The following PCDHGA4 variants were observed in gnomAD, a reference collection of about 807,000 sequenced individuals.
PCDHGA4 encodes protocadherin gamma subfamily A, 4.
Under a neutral mutation model 54.6 loss-of-function variants are expected in PCDHGA4, and 38 were observed. The ratio of observed to expected loss-of-function variants is 0.70; its 90% CI spans 0.54 to 0.91. PCDHGA4 has a LOEUF of 0.91. PCDHGA4 is among the 40% of genes least tolerant of loss of function. PCDHGA4 has a pLI of 0.00. For missense variants in PCDHGA4, 1,298 were observed against 1,220.9 expected (o/e 1.06, Z -0.94); for synonymous variants, 511 against 512.9 (o/e 1.00, Z 0.05).
chr5:141,370,266 G>A, intron 1 of PCDHGA4: 2 of 765,958 alleles, frequency 2.6e-6, no homozygotes, highest in Non-Finnish European at 4.1e-6. Flanking sequence ...GCTTCCTGCA[G>A]CGGAGACACC....
intron 1 of PCDHGA4, among the ~76,000 whole-genome samples, chr5:141,380,845 A>G (rs1215311097): frequency 6.6e-6 from 1 of 152,272 alleles, no homozygotes; most frequent in Admixed American, 6.5e-5. Context: ...GTAAAAATGG[A>G]TCAAGACATT....
rs760617436 is a variant in PCDHGA4 at position 141,410,113 on chromosome 5, A to T, written c.2514+52492A>T. On this transcript the variant is annotated intron_variant, in intron 1 of 3. Transcript: ENST00000571252. The stretch of plus-strand genomic sequence containing the variant: ...CTCGAGCCTTAGGCGACAGGGACGC[A>T]GCCCGCCAGCGCCTGCTGGTCGCTG... 5 of 1,612,436 alleles carry T rather than the reference A, an allele frequency of 3.1e-6. No individual in the cohort carries two copies. The African/African-American group carries it at 6.7e-5, about 22-fold the overall frequency.
chr5:141,384,102 T>C, intron 1 of PCDHGA4: 1 of 1,599,484 alleles, frequency 6.3e-7, no homozygotes, highest in Non-Finnish European at 8.5e-7. Context: ...TAGATAATTA[T>C]TATAGATTGG....
chr5:141,397,949 A>AGCCCCAGCTCAGAC (rs1391996511), intron 1 of PCDHGA4: 1 of 916,660 alleles, frequency 1.1e-6, no homozygotes, highest in Non-Finnish European at 1.6e-6. Context: ...TTTCCAGGGC[A>AGCCCCAGCTCAGAC]GCCCCAGCTC....
At chr5:141,484,790 A>T (rs1562101198) in intron 1 of PCDHGA4, among the ~76,000 whole-genome samples, 1 of 152,076 alleles carries the variant, frequency 6.6e-6, no homozygotes, top group Admixed American at 6.6e-5. Flanking sequence ...CACAGAGATA[A>T]CAACCCGTGG....
intron 1 of PCDHGA4, chr5:141,441,995 G>T: frequency 8.1e-6 from 2 of 246,740 alleles, no homozygotes; most frequent in Non-Finnish European, 8.0e-6. Flanking sequence ...CCGACGAGGT[G>T]CTGACAGCTC....
chr5:141,489,597 A>T lies in PCDHGA4; in HGVS notation c.2515-5210A>T. The T allele has an allele frequency of 6.2e-7, 1 of 1,614,100 alleles. No individual in the cohort carries two copies. Among genetic ancestry groups the T allele is most frequent in the African/African-American group, 1.3e-5 (1 of 75,040 alleles). ...AACACCCCCTGGAGCTAATCCGTGT[A>T]GAGGTAGAGATCCTGGATCTCAATG... On this transcript the variant is annotated intron_variant, in intron 1 of 3. Transcript: ENST00000571252. The surrounding 1 kb of genome is among the most constrained non-coding windows in gnomAD (Gnocchi z 4.5).
chr5:141,475,384 A>T (rs2099362853), intron 1 of PCDHGA4, among the ~76,000 whole-genome samples: 1 of 152,370 alleles, frequency 6.6e-6, no homozygotes, highest in East Asian at 1.9e-4. Flanking sequence ...TTTAAATTTT[A>T]TAAGCCAGAG....
chr5:141,396,893 A>G (rs1441946913), intron 1 of PCDHGA4, among the ~76,000 whole-genome samples: 2 of 152,226 alleles, frequency 1.3e-5, no homozygotes, highest in Non-Finnish European at 1.5e-5. Flanking sequence ...AGGACAACAT[A>G]TTATTGGCAC....
chr5:141,419,618 C>T (rs746617593), intron 1 of PCDHGA4: 3 of 1,612,326 alleles, frequency 1.9e-6, no homozygotes, highest in South Asian at 1.1e-5. Flanking sequence ...GCCAGGCTAC[C>T]TGGTGACCAA....
At chr5:141,374,071 T>C (rs1443520558) in intron 1 of PCDHGA4, 3 of 1,507,898 alleles carry the variant, frequency 2.0e-6, no homozygotes, top group Non-Finnish European at 2.7e-6. Flanking sequence ...GAGAAGTTCC[T>C]AATAAGCCAG....
chr5:141,374,573 A>T (rs1319007072), intron 1 of PCDHGA4: 15 of 1,613,740 alleles, frequency 9.3e-6, no homozygotes, highest in Non-Finnish European at 1.3e-5. Context: ...TGATGTGGGA[A>T]TGAACTCCCT....
In PCDHGA4 at chr5:141,372,730, ATCT is replaced by A. The variant is rs751345248; in HGVS notation, c.2514+15113_2514+15115del. On this transcript the variant is annotated intron_variant, in intron 1 of 3. Transcript: ENST00000571252. ...AAGGCTGAAAATGCTGCACCACAAG[ATCT>A]TCTATGTGATGAAGCCTCTTGGTTT... 33 of 1,613,530 alleles carry A rather than the reference ATCT, an allele frequency of 2.0e-5. No homozygotes were observed. In the East Asian group the frequency reaches 7.1e-4, roughly 35 times the overall value.
intron 1 of PCDHGA4, among the ~76,000 whole-genome samples, chr5:141,381,826 CTTTTTTTTT>C (rs770630741): frequency 5.4e-5 from 4 of 74,286 alleles, no homozygotes; most frequent in African/African-American, 2.5e-4. Flanking sequence ...CTTTCTTCTT[CTTTTTTTTT>C]TTTTTTTTTT....
intron 1 of PCDHGA4, among the ~76,000 whole-genome samples, chr5:141,450,088 C>T (rs1358812478): frequency 1.3e-5 from 2 of 148,484 alleles, no homozygotes; most frequent in East Asian, 2.0e-4. Context: ...CTCACTGCAA[C>T]CTCCGCCTCC....
In PCDHGA4 at chr5:141,475,486, T is replaced by C. The variant is rs576743657; in HGVS notation, c.2515-19321T>C. Among the ~76,000 whole-genome samples, 14 of 152,370 alleles carry C rather than the reference T, an allele frequency of 9.2e-5. No homozygotes were observed. In the East Asian group the frequency reaches 2.7e-3, roughly 29 times the overall value. On this transcript the variant is annotated intron_variant, in intron 1 of 3. Transcript: ENST00000571252. ...AATGCTAATTTCATTTGGTAAGAGA[T>C]AAAACTGAAATTATTAATGTCTCCA...
chr5:141,486,760 G>C lies in PCDHGA4; in HGVS notation c.2515-8047G>C. ...GATCCTTTGACTATGAGCAAACCCAGACACTGCAGTTTGAGGTGCAGGCCC... is the reference window on the plus strand; with the variant it reads ...GATCCTTTGACTATGAGCAAACCCACACACTGCAGTTTGAGGTGCAGGCCC... On this transcript the variant is annotated intron_variant, in intron 1 of 3. Transcript: ENST00000571252. This position sits in a 1 kb window ranked among gnomAD's most constrained non-coding sequence, Gnocchi z 5.0. 1.2e-6 allele frequency: 2 copies of C among 1,614,240 alleles called. No homozygotes were observed. The highest frequency in any genetic ancestry group is 2.2e-5 in the South Asian group (2 of 91,086).
rs1554116817 is a variant in PCDHGA4 at position 141,423,755 on chromosome 5, G to GGC, written c.2514+66135_2514+66136insCG. 3 of 512,420 alleles carry GGC rather than the reference G, an allele frequency of 5.9e-6. No individual in the cohort carries two copies. The African/African-American group carries it at 8.1e-5, about 14-fold the overall frequency. 31.7% of individuals were successfully genotyped at this position (512,420 alleles called of 1,614,324 possible). A position where few individuals can be genotyped will look rare whatever the true frequency, so the allele number is the denominator to read the frequency against. On this transcript the variant is annotated intron_variant, in intron 1 of 3. Coordinates refer to ENST00000571252, the MANE Select transcript of PCDHGA4 (RefSeq NM_018917.4). ...AGCCTGTTATGAAAACTGTTTGGGGGGGGGGTGGGGCGGCATATATTTAGT... is the reference window on the plus strand; with the variant it reads ...AGCCTGTTATGAAAACTGTTTGGGGGGCGGGGGTGGGGCGGCATATATTTAGT...
chr5:141,430,639 A>C, intron 1 of PCDHGA4: 6 of 900,712 alleles, frequency 6.7e-6, no homozygotes, highest in Non-Finnish European at 9.7e-6. Context: ...CATCCCTGGG[A>C]GTATGTGGAA....
Sources: allele counts gnomAD v4.1 joint callset (sites outside exome capture counted in the v4.1 genomes callset), GRCh38; gene constraint gnomAD v4.1.1; non-coding constraint Gnocchi (gnomAD v3.1); transcripts MANE v1.5; gene names NCBI Gene and HGNC (gene_info 2026-07-23, HGNC 2026-07-21).